The following CNTNAP5 variants were observed in gnomAD, a reference collection of about 807,000 sequenced individuals.
CNTNAP5 encodes contactin associated protein family member 5, also known as contactin-associated protein-like 5.
CNTNAP5 carries 72 observed loss-of-function variants against 150.2 expected under a neutral mutation model. The ratio of observed to expected loss-of-function variants is 0.48; its 90% confidence interval spans 0.40 to 0.58. The LOEUF is 0.58. CNTNAP5 is among the 20% of genes least tolerant of loss of function. The pLI is 0.00. For missense variants in CNTNAP5, 1,636 were observed against 1,626.2 expected, an observed-to-expected ratio of 1.01 and a Z score of -0.10; for synonymous variants, 672 against 619.8, an observed-to-expected ratio of 1.08 and a Z score of -1.25.
chr2:124,538,655 A>G (rs1695304420), intron 10 of CNTNAP5, among the ~76,000 whole-genome samples: 1 of 151,946 alleles, frequency 6.6e-6, no homozygotes, highest in African/African-American at 2.4e-5. Context: ...AAGGAAAAAG[A>G]AGGAAGGAAA....
intron 3 of CNTNAP5, among the ~76,000 whole-genome samples, chr2:124,354,014 AC>A (rs1689936357): frequency 6.6e-6 from 1 of 152,198 alleles, no homozygotes; most frequent in Non-Finnish European, 1.5e-5. Flanking sequence ...AAAATAATGA[AC>A]CATAAAAACT....
At chr2:124,419,152 A>AAAAAAAAAAACAC (rs1553466540) in intron 4 of CNTNAP5, among the ~76,000 whole-genome samples, 1 of 120,996 alleles carries the variant, frequency 8.3e-6, no homozygotes, top group African/African-American at 2.8e-5. Context: ...AAAAAAAAAA[A>AAAAAAAAAAACAC]AAAAAAAAAA....
chr2:124,806,655 A>G (rs1682087108), intron 19 of CNTNAP5, among the ~76,000 whole-genome samples: 1 of 152,222 alleles, frequency 6.6e-6, no homozygotes, highest in African/African-American at 2.4e-5. Flanking sequence ...TGAGAATCAG[A>G]ATAATTATTA....
At chr2:124,684,123 G>A (rs1679142065) in intron 13 of CNTNAP5, among the ~76,000 whole-genome samples, 1 of 152,188 alleles carries the variant, frequency 6.6e-6, no homozygotes, top group African/African-American at 2.4e-5. Flanking sequence ...TTTAGAATCT[G>A]AGTTGGGGAA....
intron 13 of CNTNAP5, among the ~76,000 whole-genome samples, chr2:124,735,879 C>T (rs576041563): frequency 7.9e-5 from 12 of 152,194 alleles, no homozygotes; most frequent in East Asian, 7.7e-4. Context: ...GTTAGTGTTA[C>T]GGATATCCAA....
At chr2:124,768,759 A>G (rs1463481712) in intron 16 of CNTNAP5, among the ~76,000 whole-genome samples, 3 of 152,098 alleles carry the variant, frequency 2.0e-5, no homozygotes, top group African/African-American at 7.2e-5. Context: ...ACCAGTCCAC[A>G]GGATTGACAA....
chr2:124,726,642 A>T (rs1200586848), intron 13 of CNTNAP5, among the ~76,000 whole-genome samples: 1 of 105,336 alleles, frequency 9.5e-6, no homozygotes, highest in African/African-American at 3.2e-5. Context: ...CGTCTTCTTC[A>T]AAAAAAAGTC....
At chr2:124,417,613 T>C (rs772966795) in intron 4 of CNTNAP5, 23 bp downstream of exon 4, 41 of 1,603,490 alleles carry the variant, frequency 2.6e-5, no homozygotes, top group Non-Finnish European at 3.4e-5. Context: ...ATGTACCCTT[T>C]ACCATTGCTG....
At chr2:124,086,013 T>C (rs916955197) in intron 1 of CNTNAP5, among the ~76,000 whole-genome samples, 2 of 152,136 alleles carry the variant, frequency 1.3e-5, no homozygotes, top group African/African-American at 4.8e-5. Context: ...AGTTCTTCTG[T>C]AAACTTGCTG....
intron 19 of CNTNAP5, among the ~76,000 whole-genome samples, chr2:124,840,138 G>A (rs529429320): frequency 6.0e-4 from 91 of 152,226 alleles, no homozygotes; most frequent in Middle Eastern, 3.4e-3. Flanking sequence ...GACATCAGGA[G>A]GAGATTCCTG....
intron 17 of CNTNAP5, among the ~76,000 whole-genome samples, chr2:124,781,865 A>G (rs1681460035): frequency 6.6e-6 from 1 of 152,160 alleles, no homozygotes; most frequent in East Asian, 1.9e-4. Flanking sequence ...AGATAAATTA[A>G]TTCATCAAAA....
chr2:124,700,143 C>T (rs1000215292), intron 13 of CNTNAP5, among the ~76,000 whole-genome samples: 14 of 152,244 alleles, frequency 9.2e-5, no homozygotes, highest in African/African-American at 3.4e-4. Flanking sequence ...TGGCTTCTTC[C>T]ACTTAATAGA....
intron 19 of CNTNAP5, among the ~76,000 whole-genome samples, chr2:124,821,075 G>A (rs189505921): frequency 6.6e-6 from 1 of 152,318 alleles, no homozygotes; most frequent in East Asian, 1.9e-4. Flanking sequence ...TTCCCACAAG[G>A]TATGGCCGGT....
At chr2:124,699,959 C>T (rs1417331180) in intron 13 of CNTNAP5, among the ~76,000 whole-genome samples, 1 of 152,144 alleles carries the variant, frequency 6.6e-6, no homozygotes, top group Non-Finnish European at 1.5e-5. Context: ...ATCTTAAATA[C>T]GTTCATCAAC....
At chr2:124,642,302 T>C (rs1046519040) in intron 12 of CNTNAP5, among the ~76,000 whole-genome samples, 2 of 152,198 alleles carry the variant, frequency 1.3e-5, no homozygotes, top group African/African-American at 4.8e-5. Flanking sequence ...TGTGCGTGTG[T>C]GTGTATGTGT....
intron 1 of CNTNAP5, among the ~76,000 whole-genome samples, chr2:124,038,431 A>T (rs928867436): frequency 2.0e-5 from 3 of 152,088 alleles, no homozygotes; most frequent in Admixed American, 6.5e-5. Flanking sequence ...TAATTTGTTC[A>T]ATGTCCAGTG....
At position 124,656,907 on chromosome 2, in the gene CNTNAP5, TTTCTC is replaced by T. The variant is rs763784456; in HGVS notation, c.2077+8953_2077+8957del. On this transcript the variant is annotated intron_variant, in intron 13 of 23. Transcript: ENST00000682447. ...AAAGAACATGGATTTTCTTCACTGT[TTTCTC>T]TTCCTTTATTAATTGTGAGACCTTA... 2.0e-5 allele frequency among the ~76,000 whole-genome samples: 3 copies of T among 152,208 alleles called. No individual in the cohort carries two copies. In the South Asian group the frequency reaches 6.2e-4, roughly 32 times the overall value.
At chr2:124,071,075 A>G (rs553638598) in intron 1 of CNTNAP5, among the ~76,000 whole-genome samples, 2 of 152,140 alleles carry the variant, frequency 1.3e-5, no homozygotes, top group African/African-American at 4.8e-5. Context: ...AAGTAAAACA[A>G]TATACTCCTG....
At chr2:124,730,405 A>C (rs1166852591) in intron 13 of CNTNAP5, among the ~76,000 whole-genome samples, 1 of 151,810 alleles carries the variant, frequency 6.6e-6, no homozygotes, top group Non-Finnish European at 1.5e-5. Context: ...TTATTATTTA[A>C]AGAATTACTG....
Sources: gnomAD v4.1 joint callset for allele counts (sites outside exome capture counted in the v4.1 genomes callset) on GRCh38, gnomAD v4.1.1 for gene constraint, MANE v1.5 for transcripts, NCBI Gene and HGNC (gene_info 2026-07-23, HGNC 2026-07-21) for gene names.